The following AXDND1 variants were observed in gnomAD, a reference collection of about 807,000 sequenced individuals.
AXDND1 encodes axonemal dynein light chain domain containing 1, also known as axonemal dynein light chain domain-containing protein 1.
Under a neutral mutation model 137.5 loss-of-function variants are expected in AXDND1, and 110 were observed. That is an observed-to-expected ratio of 0.80 (90% CI 0.69 to 0.94). The LOEUF (loss-of-function observed/expected upper bound fraction) is 0.94. AXDND1 is among the 40% of genes least tolerant of loss of function. AXDND1 has a pLI of 0.00. For synonymous variants in AXDND1, 414 were observed against 399.7 expected (o/e 1.04, Z -0.43); for missense variants, 1,191 against 1,169.8 (o/e 1.02, Z -0.26).
intron 12 of AXDND1, among the ~76,000 whole-genome samples, chr1:179,419,054 G>T (rs1206830654): frequency 6.6e-6 from 1 of 151,984 alleles, no homozygotes; most frequent in Non-Finnish European, 1.5e-5. Flanking sequence ...CTTCCTAGAT[G>T]GGATGGCGGC....
chr1:179,400,762 G>A (rs1194038873), intron 11 of AXDND1, among the ~76,000 whole-genome samples: 3 of 150,592 alleles, frequency 2.0e-5, no homozygotes, highest in South Asian at 2.1e-4. Context: ...AAAATTAGCC[G>A]GGCATGGTGG....
At chr1:179,381,883 C>T (rs964657231) in intron 6 of AXDND1, among the ~76,000 whole-genome samples, 6 of 151,026 alleles carry the variant, frequency 4.0e-5, no homozygotes, top group Admixed American at 6.6e-5. Flanking sequence ...TGGGTTTAAG[C>T]GATTCTTCTG....
chr1:179,368,857 C>G lies in AXDND1; in HGVS notation c.155C>G (p.Thr52Ser). 1 of 1,613,792 alleles carries G rather than the reference C, an allele frequency of 6.2e-7. No individual in the cohort carries two copies. ...NMVDRSKLLP[T>S]SLQNEFIPKE... The stretch of plus-strand genomic sequence containing the variant: ...GTGGATCGTTCAAAACTCCTTCCTA[C>G]TTCCCTTCAGAATGAGTTCATTCCC... Residue 52 changes from threonine (T) to serine (S), a missense_variant, in exon 3 of 26, where the codon ACT becomes AGT. Thr to Ser is a moderately conservative substitution (Grantham distance 58, BLOSUM62 1). Transcript: ENST00000367618.
intron 25 of AXDND1, 105 bp downstream of exon 25, chr1:179,535,067 C>G (rs1258520616): frequency 2.6e-6 from 4 of 1,522,850 alleles, no homozygotes; most frequent in Non-Finnish European, 2.7e-6. Flanking sequence ...TGGTGCTAAT[C>G]TACTAGTTTA....
chr1:179,421,080 C>T (rs191666795), intron 12 of AXDND1, among the ~76,000 whole-genome samples: 13 of 120,328 alleles, frequency 1.1e-4, no homozygotes, highest in Non-Finnish European at 1.5e-4. Flanking sequence ...TTCCTTCCTT[C>T]CTTCCTTCCT....
chr1:179,533,807 A>G lies in AXDND1; in HGVS notation c.2728A>G (p.Lys910Glu). 6.2e-7 allele frequency: 1 copy of G among 1,612,172 alleles called. No individual in the cohort carries two copies. Among genetic ancestry groups the G allele is most frequent in the African/African-American group, 1.3e-5 (1 of 74,976 alleles). The change falls in exon 24 of 26, where the codon AAG becomes GAG. Residue 910 changes from lysine (K) to glutamate (E), a missense_variant. Coordinates refer to ENST00000367618, the MANE Select transcript of AXDND1 (RefSeq NM_144696.6). ...DVLSSWRESA[K>E]QGTLAQKYLE... ...TTTCCTCTGTCAGAGAGAGTCAGCT[A>G]AGCAAGGTACATTGGCCCAAAAATA...
At chr1:179,470,905 G>A (rs1317709304) in intron 17 of AXDND1, among the ~76,000 whole-genome samples, 1 of 151,752 alleles carries the variant, frequency 6.6e-6, no homozygotes, top group Non-Finnish European at 1.5e-5. Context: ...GCCTTTTATT[G>A]GATTTAGGAA....
intron 18 of AXDND1, among the ~76,000 whole-genome samples, chr1:179,488,618 T>C (rs150661388): frequency 0.018 from 1,544 of 86,542 alleles, 135 homozygotes; most frequent in East Asian, 0.023. Flanking sequence ...CTTTCTTTCT[T>C]TCTCTCTCTC....
intron 18 of AXDND1, 125 bp downstream of exon 18, chr1:179,483,346 T>G: frequency 3.8e-6 from 2 of 528,626 alleles, no homozygotes; most frequent in Non-Finnish European, 6.6e-6. Flanking sequence ...GAAGCTTGTA[T>G]AATAATTTCT....
rs1289047797 is a variant in AXDND1, at chr1:179,488,647, C to CTTTCTT, written c.2092-2889_2092-2884dup. Among the ~76,000 whole-genome samples the CTTTCTT allele has an allele frequency of 2.4e-3, 209 of 86,112 alleles. 22 individuals carry two copies. The highest frequency in any genetic ancestry group is 4.2e-3 in the African/African-American group (75 of 17,820). 56.5% of individuals were successfully genotyped at this position (86,112 alleles called of 152,430 possible). ...CTCTCTCTCTCTCCTTTCTTTCTTT[C>CTTTCTT]TTTCTTTCTTTCTTTCTTTCTTTCT... is the stretch of plus-strand genomic sequence containing the variant. On this transcript the variant is annotated intron_variant, in intron 18 of 25. Transcript: ENST00000367618.
At chr1:179,485,390 C>T (rs1357214543) in intron 18 of AXDND1, among the ~76,000 whole-genome samples, 1 of 152,132 alleles carries the variant, frequency 6.6e-6, no homozygotes, top group African/African-American at 2.4e-5. Flanking sequence ...GATACCAGAC[C>T]CTAGAGTTAG....
chr1:179,412,177 A>G (rs925155273), intron 12 of AXDND1, among the ~76,000 whole-genome samples: 2 of 152,174 alleles, frequency 1.3e-5, no homozygotes, highest in African/African-American at 4.8e-5. Context: ...TTACCTTGGT[A>G]CACAAGATGA....
intron 4 of AXDND1, among the ~76,000 whole-genome samples, chr1:179,373,848 A>G (rs551533464): frequency 2.0e-4 from 30 of 152,350 alleles, no homozygotes; most frequent in African/African-American, 6.7e-4. Flanking sequence ...AAAGACTTAA[A>G]TGTTAGACCT....
intron 12 of AXDND1, among the ~76,000 whole-genome samples, chr1:179,413,417 G>C (rs73052637): frequency 0.11 from 16,074 of 152,064 alleles, 967 homozygotes; most frequent in African/African-American, 0.14. Flanking sequence ...CACTTTTGGA[G>C]TCACCAGTGT....
At chr1:179,425,352 CA>C (rs1656393230) in intron 12 of AXDND1, among the ~76,000 whole-genome samples, 1 of 152,162 alleles carries the variant, frequency 6.6e-6, no homozygotes, top group Non-Finnish European at 1.5e-5. Flanking sequence ...GGCTAGTGCC[CA>C]GGGAATCTGT....
intron 21 of AXDND1, among the ~76,000 whole-genome samples, chr1:179,514,979 G>A (rs1356691243): frequency 6.6e-6 from 1 of 152,168 alleles, no homozygotes; most frequent in East Asian, 1.9e-4. Context: ...GTATCCTGAA[G>A]GGAGCAGATG....
intron 12 of AXDND1, among the ~76,000 whole-genome samples, chr1:179,419,014 C>T (rs138209416): frequency 0.3 from 44,312 of 150,090 alleles, 6,675 homozygotes; most frequent in Non-Finnish European, 0.31. Flanking sequence ...ACATCTCAGA[C>T]GATGGGCGGC....
chr1:179,450,554 T>A (rs34227848), intron 16 of AXDND1: 47,359 of 151,916 alleles, frequency 0.31, 7,643 homozygotes, highest in African/African-American at 0.36. Flanking sequence ...GATTTTTTTT[T>A]AAAAATGCTT....
rs1278210663 is a variant in AXDND1 at position 179,534,899 on chromosome 1, G to A, written c.2968G>A (p.Glu990Lys). ...NQDEREVKEE[E>K]EQQEEEEVRS... is the part of the protein sequence containing the mutation. ...AGATGAAAGAGAAGTAAAAGAAGAAGAAGAACAACAAGAAGAAGAAGAAGT... is the reference window on the plus strand; with the variant it reads ...AGATGAAAGAGAAGTAAAAGAAGAAAAAGAACAACAAGAAGAAGAAGAAGT... Residue 990 changes from glutamate (E) to lysine (K), a missense_variant, in exon 25 of 26, where the codon GAA becomes AAA. Physicochemically the swap from Glu to Lys is moderately conservative, Grantham distance 56. Coordinates refer to ENST00000367618, the MANE Select transcript of AXDND1 (RefSeq NM_144696.6). The A allele has an allele frequency of 2.5e-6, 4 of 1,585,364 alleles. No individual in the cohort carries two copies. In the African/African-American group the frequency reaches 4.1e-5, roughly 16 times the overall value.
Sources: allele counts gnomAD v4.1 joint callset (sites outside exome capture counted in the v4.1 genomes callset), GRCh38; gene constraint gnomAD v4.1.1; transcripts MANE v1.5; gene names NCBI Gene and HGNC (gene_info 2026-07-23, HGNC 2026-07-21).